Variants in ARRDC2 observed in about 807,000 individuals in gnomAD.
ARRDC2 encodes arrestin domain-containing protein 2.
In ARRDC2, 39 loss-of-function variants were observed where a neutral mutation model predicts 38.9. That is an observed-to-expected ratio of 1.00 (90% CI 0.78 to 1.31). The LOEUF (loss-of-function observed/expected upper bound fraction) is 1.31, where lower values mean the gene tolerates loss of function less well. Ranked by LOEUF, ARRDC2 falls within the 50% of genes most tolerant of loss-of-function variation. ARRDC2 has a pLI of 0.00. For synonymous variants in ARRDC2, 300 were observed against 261.9 expected, an observed-to-expected ratio of 1.15 and a Z score of -1.41; for missense variants, 553 against 588.4, an observed-to-expected ratio of 0.94 and a Z score of 0.62.
upstream of ARRDC2, chr19:18,008,157 C>T: frequency 7.2e-7 from 1 of 1,394,328 alleles, no homozygotes; most frequent in Non-Finnish European, 9.2e-7. Context: ...GCGGCGCCGA[C>T]GCACGGCGCG....
At chr19:18,011,473 A>G (rs1313561915) in intron 7 of ARRDC2, among the ~76,000 whole-genome samples, 2 of 152,184 alleles carry the variant, frequency 1.3e-5, no homozygotes, top group East Asian at 3.8e-4. Flanking sequence ...CGCTACATAC[A>G]GTCGGCCCTC....
At chr19:18,008,067 T>C, upstream of ARRDC2, 15 of 1,127,418 alleles carry the variant, frequency 1.3e-5, no homozygotes, top group Non-Finnish European at 1.7e-5. Flanking sequence ...GCCACGCCCC[T>C]TGTCGCGCTA....
At position 18,008,353 on chromosome 19, in the gene ARRDC2, G is replaced by C; in HGVS notation, c.43G>C (p.Gly15Arg). 6.3e-7 allele frequency: 1 copy of C among 1,596,980 alleles called. No individual in the cohort carries two copies. The highest frequency in any genetic ancestry group is 8.5e-7 in the Non-Finnish European group (1 of 1,179,034). ...GAAAGCGTTCTCGGTGCAGTTGGAC[G>C]GCGCGACCGCGGGCGTCGAGCCCGT... ...KVKAFSVQLDGATAGVEPVFS... is the reference protein window; with the variant it reads ...KVKAFSVQLDRATAGVEPVFS... Residue 15 changes from glycine to arginine, a missense_variant, in exon 1 of 8, where the codon GGC (glycine) becomes CGC (arginine). This residue lies in a region of ARRDC2 where 447 missense variants were observed against 456.6 expected (regional missense o/e 0.98). Transcript: ENST00000222250.
upstream of ARRDC2, among the ~76,000 whole-genome samples, chr19:18,003,336 G>A (rs994143282): frequency 1.3e-5 from 2 of 151,938 alleles, no homozygotes; most frequent in Non-Finnish European, 2.9e-5. Flanking sequence ...GCACGATCTC[G>A]GCTCACTGCA....
intron 7 of ARRDC2, among the ~76,000 whole-genome samples, chr19:18,011,498 TG>T (rs2033411329): frequency 6.6e-6 from 1 of 152,170 alleles, no homozygotes; most frequent in Admixed American, 6.5e-5. Flanking sequence ...TTAGCTGGTT[TG>T]GAATCTGCAG....
At chr19:18,005,673 AC>A (rs1227495855), upstream of ARRDC2, among the ~76,000 whole-genome samples, 3 of 143,914 alleles carry the variant, frequency 2.1e-5, no homozygotes, top group Admixed American at 6.8e-5. Flanking sequence ...CAGGGGGCTG[AC>A]CCCCCCACCT....
upstream of ARRDC2, chr19:18,008,114 TGACC>T: frequency 9.5e-7 from 1 of 1,056,196 alleles, no homozygotes; most frequent in Non-Finnish European, 1.3e-6. Flanking sequence ...GAAGAGACGG[TGACC>T]CCACCCCCCC....
chr19:18,004,760 G>T (rs546094798), upstream of ARRDC2, among the ~76,000 whole-genome samples: 1 of 151,526 alleles, frequency 6.6e-6, no homozygotes, highest in East Asian at 2.0e-4. Context: ...AGCACTTTGG[G>T]AGGCTGAGGC....
Position 18,009,067 on chromosome 19 carries a change from G to T in ARRDC2, c.438G>T (p.Arg146Ser). ...HRPWVPARRA[R>S]KVFTVIEPVD... ...CCTGGGTCCCAGCACGCCGGGCAAG[G>T]AAGGTGTTCACTGTCATCGAGCCTG... is the stretch of plus-strand genomic sequence containing the variant. Residue 146 changes from arginine to serine, a missense_variant, in exon 3 of 8, where the codon AGG becomes AGT. By Grantham distance (110) the Arg-to-Ser change is moderately radical. Coordinates refer to ENST00000222250, the MANE Select transcript of ARRDC2 (RefSeq NM_015683.2). 2.5e-6 allele frequency: 4 copies of T among 1,613,588 alleles called. No homozygotes were observed. Among genetic ancestry groups the T allele is most frequent in the Non-Finnish European group, 3.4e-6 (4 of 1,180,000 alleles).
chr19:18,013,053 C>T lies in ARRDC2; in HGVS notation c.*87C>T, dbSNP rs980467866. 1.4e-6 allele frequency: 2 copies of T among 1,405,888 alleles called. No homozygotes were observed. The highest frequency in any genetic ancestry group is 2.0e-6 in the Non-Finnish European group (2 of 1,010,192). The allele number at this position is 1,405,888 out of a possible 1,614,324, so 87.1% of individuals were successfully genotyped here. On this transcript the variant is annotated 3_prime_UTR_variant, in exon 8 of 8. Coordinates refer to ENST00000222250, the MANE Select transcript of ARRDC2 (RefSeq NM_015683.2). ...GGGAGTGGCTGGACCAAGGGCTGAC[C>T]TCCCCGACTGCATCAAAGTTGGGGA...
chr19:18,001,195 G>A lies in ARRDC2; in HGVS notation c.-120G>A, dbSNP rs2033177791. 5 of 1,053,028 alleles carry A rather than the reference G, an allele frequency of 4.7e-6. No individual in the cohort carries two copies. The African/African-American group carries it at 6.8e-5, about 14-fold the overall frequency. 65.2% of individuals were successfully genotyped at this position (1,053,028 alleles called of 1,614,324 possible). On this transcript the variant is annotated 5_prime_UTR_variant, in exon 1 of 8. Transcript: ENST00000379656. ...CGGCGCCGGCCCAAGTTCGCCGGGG[G>A]GGCCCGGAGGAAGCTTGGGGGACGC...
upstream of ARRDC2, among the ~76,000 whole-genome samples, chr19:18,006,489 C>T (rs1300318529): frequency 6.6e-6 from 1 of 152,288 alleles, no homozygotes; most frequent in African/African-American, 2.4e-5. Flanking sequence ...CGTGGCGGCG[C>T]GCGCCTGCAA....
At chr19:18,006,960 C>G (rs2033292153), upstream of ARRDC2, among the ~76,000 whole-genome samples, 1 of 152,222 alleles carries the variant, frequency 6.6e-6, no homozygotes, top group Admixed American at 6.5e-5. Flanking sequence ...GCCTTCCAGG[C>G]TGATCACTGT....
chr19:18,003,789 G>A (rs1186352602), upstream of ARRDC2, among the ~76,000 whole-genome samples: 2 of 152,008 alleles, frequency 1.3e-5, no homozygotes, highest in East Asian at 1.9e-4. Flanking sequence ...ACAGGCACCC[G>A]CCACCACGCC....
At chr19:18,010,095 CA>C in intron 5 of ARRDC2, 56 bp downstream of exon 5, 3 of 1,605,136 alleles carry the variant, frequency 1.9e-6, no homozygotes, top group Non-Finnish European at 2.5e-6. Context: ...TGTATTCCCT[CA>C]GACTGGGGGA....
chr19:18,010,635 T>C lies in ARRDC2; in HGVS notation c.1076T>C (p.Phe359Ser). 5 of 1,613,896 alleles carry C rather than the reference T, an allele frequency of 3.1e-6. No individual in the cohort carries two copies. The highest frequency in any genetic ancestry group is 4.2e-6 in the Non-Finnish European group (5 of 1,179,986). Reference sequence around the variant, plus strand: ...GAGGCAGCCTTGGGGCAGAGCCCCTTCCCGCTTCCGCAGGACCCCGACATG... The same window carrying C: ...GAGGCAGCCTTGGGGCAGAGCCCCTCCCCGCTTCCGCAGGACCCCGACATG... ...TEEAALGQSP[F>S]PLPQDPDMSL... The change falls in exon 7 of 8, where the codon TTC (phenylalanine) becomes TCC (serine). Residue 359 changes from phenylalanine (F) to serine (S), a missense_variant. Physicochemically the swap from Phe to Ser is radical, Grantham distance 155. Coordinates refer to ENST00000222250, the MANE Select transcript of ARRDC2 (RefSeq NM_015683.2).
chr19:18,009,191 C>A, intron 3 of ARRDC2, 73 bp downstream of exon 3: 1 of 1,543,546 alleles, frequency 6.5e-7, no homozygotes, highest in South Asian at 1.2e-5. Context: ...TGGGCGACAC[C>A]AACCAATAAG....
Position 18,008,580 on chromosome 19 carries a change from G to A in ARRDC2, c.270G>A (p.Ala90=), listed in dbSNP as rs373267399. ...TGAGCCACCGCGCCACGCTCCTGGC[G>A]CCAGGTACGGATGGAGGACCCCTGC... ...EVVSHRATLL[A]PDTGETTTLP... Residue 90 remains alanine, a synonymous_variant, in exon 1 of 8, where the codon GCG becomes GCA. Transcript: ENST00000222250. The A allele has an allele frequency of 2.6e-4, 414 of 1,586,716 alleles. 1 individual carries two copies. The highest frequency in any genetic ancestry group is 4.2e-5 in the Non-Finnish European group (49 of 1,173,914).
intron 5 of ARRDC2, 60 bp from the exon 6 acceptor site, chr19:18,010,136 G>T (rs2033382337): frequency 6.2e-7 from 1 of 1,607,168 alleles, no homozygotes; most frequent in Non-Finnish European, 8.5e-7. Flanking sequence ...CCAGGCATAG[G>T]AGGGAGGTGG....
Sources: allele counts gnomAD v4.1 joint callset (sites outside exome capture counted in the v4.1 genomes callset), GRCh38; gene constraint gnomAD v4.1.1; regional missense constraint gnomAD v4.1.1; transcripts MANE v1.5; gene names NCBI Gene and HGNC (gene_info 2026-07-23, HGNC 2026-07-21).